PIP5K1A: variants seen among roughly 807,000 people sequenced by gnomAD.
PIP5K1A encodes the protein phosphatidylinositol 4-phosphate 5-kinase type-1 alpha.
In PIP5K1A, 46 loss-of-function variants were observed where a neutral mutation model predicts 72.9. The ratio of observed to expected loss-of-function variants is 0.63; its 90% CI spans 0.50 to 0.81. The LOEUF (loss-of-function observed/expected upper bound fraction) is 0.81. PIP5K1A is among the 30% of genes least tolerant of loss of function. The probability of loss-of-function intolerance (pLI) is 0.00; values close to 1 mark genes in which losing one functional copy is unlikely to be tolerated. For synonymous variants in PIP5K1A, 228 were observed against 255.1 expected (o/e 0.89, Z 1.01); for missense variants, 458 against 706.1 (o/e 0.65, Z 3.98).
At chr1:151,221,948 A>G (rs1688454716) in intron 1 of PIP5K1A, among the ~76,000 whole-genome samples, 1 of 151,994 alleles carries the variant, frequency 6.6e-6, no homozygotes, top group South Asian at 2.1e-4. Flanking sequence ...TCAGCTGGGC[A>G]TGGTGGTACA....
At chr1:151,212,059 C>G (rs1454420787) in intron 1 of PIP5K1A, among the ~76,000 whole-genome samples, 1 of 152,004 alleles carries the variant, frequency 6.6e-6, no homozygotes, top group Non-Finnish European at 1.5e-5. Flanking sequence ...TTGCAGTGAG[C>G]CAAGATCACG....
At chr1:151,196,023 T>C (rs587663628), upstream of PIP5K1A, among the ~76,000 whole-genome samples, 5 of 150,712 alleles carry the variant, frequency 3.3e-5, no homozygotes, top group South Asian at 1.1e-3. Flanking sequence ...GCCTCCCGAG[T>C]AGCTGGGGCT....
At chr1:151,234,843 C>T (rs915047755) in intron 8 of PIP5K1A, among the ~76,000 whole-genome samples, 3 of 152,182 alleles carry the variant, frequency 2.0e-5, no homozygotes, top group African/African-American at 2.4e-5. Flanking sequence ...ATTACACAAC[C>T]GTGTATACTG....
At chr1:151,203,822 CAA>C (rs587774732) in intron 1 of PIP5K1A, among the ~76,000 whole-genome samples, 17 of 83,514 alleles carry the variant, frequency 2.0e-4, no homozygotes, top group African/African-American at 9.2e-5. Flanking sequence ...GACTCTGTCT[CAA>C]AAAAAAAAAA....
At chr1:151,201,874 AG>A (rs1347151640) in intron 1 of PIP5K1A, among the ~76,000 whole-genome samples, 2 of 152,058 alleles carry the variant, frequency 1.3e-5, no homozygotes, top group Non-Finnish European at 2.9e-5. Context: ...AACAAAAAAA[AG>A]GGGGCAAAAA....
upstream of PIP5K1A, among the ~76,000 whole-genome samples, chr1:151,195,810 C>T (rs12094954): frequency 7.6e-3 from 1,105 of 146,352 alleles, 13 homozygotes; most frequent in African/African-American, 0.026. Flanking sequence ...TGTTTGACTG[C>T]GTTGGTCATT....
intron 1 of PIP5K1A, among the ~76,000 whole-genome samples, chr1:151,212,731 C>T (rs1558247631): frequency 6.6e-6 from 1 of 151,882 alleles, no homozygotes; most frequent in Non-Finnish European, 1.5e-5. Flanking sequence ...CACGCCACCA[C>T]GCCTAGCCAA....
chr1:151,197,966 A>G (rs1684706624), upstream of PIP5K1A: 1 of 450,900 alleles, frequency 2.2e-6, no homozygotes, highest in Non-Finnish European at 4.6e-6. Flanking sequence ...GAAGGTTGTG[A>G]TAAGTCCCTG....
intron 5 of PIP5K1A, 137 bp downstream of exon 5, chr1:151,231,938 G>A: frequency 1.3e-6 from 1 of 796,376 alleles, no homozygotes; most frequent in Non-Finnish European, 2.1e-6. Flanking sequence ...GGGCGATGTG[G>A]GACTAGAGAG....
At chr1:151,226,741 T>G (rs965211559) in intron 3 of PIP5K1A, among the ~76,000 whole-genome samples, 1 of 143,920 alleles carries the variant, frequency 6.9e-6, no homozygotes, top group African/African-American at 2.6e-5. Context: ...TACTCTTATT[T>G]TCTGGCCGGG....
chr1:151,213,043 A>C (rs1687068937), intron 1 of PIP5K1A, among the ~76,000 whole-genome samples: 2 of 151,468 alleles, frequency 1.3e-5, no homozygotes, highest in East Asian at 1.9e-4. Context: ...GGCGCCCGCC[A>C]CCACGCCCGG....
chr1:151,242,467 C>A lies in PIP5K1A; in HGVS notation c.1540C>A (p.Pro514Thr), dbSNP rs770912018. ...TCACCTTGGTCGTCCTGATGTTTTACCTCAGACTCCACCTTTGGAGGAAAT... is the reference window on the plus strand; with the variant it reads ...TCACCTTGGTCGTCCTGATGTTTTAACTCAGACTCCACCTTTGGAGGAAAT... ...GVHLGRPDVL[P>T]QTPPLEEISE... The change falls in exon 14 of 16, where the codon CCT becomes ACT. Residue 514 changes from proline to threonine, a missense_variant. Around this residue, in one of 3 missense-constraint regions of PIP5K1A, gnomAD observed 157 missense variants for 175.5 expected, o/e 0.89. Coordinates refer to ENST00000368888, the MANE Select transcript of PIP5K1A (RefSeq NM_001135638.2). The A allele has an allele frequency of 1.2e-6, 2 of 1,614,044 alleles. No homozygotes were observed. The highest frequency in any genetic ancestry group is 2.2e-5 in the South Asian group (2 of 91,078).
Position 151,242,063 on chromosome 1 carries a change from A to AT in PIP5K1A, c.1364-59dup, listed in dbSNP as rs1691812892. On this transcript the variant is annotated intron_variant, in intron 12 of 15. Transcript: ENST00000368888. ...GGGATACTAGCAATTATTTGTATCT[A>AT]TGTCTTGGTAATAGTTGCTAAGGTA... is the stretch of plus-strand genomic sequence containing the variant. 4 of 1,551,718 alleles carry AT rather than the reference A, an allele frequency of 2.6e-6. No individual in the cohort carries two copies. The East Asian group carries it at 9.0e-5, about 35-fold the overall frequency.
chr1:151,208,895 G>C (rs899126139), intron 1 of PIP5K1A, among the ~76,000 whole-genome samples: 2 of 151,336 alleles, frequency 1.3e-5, no homozygotes, highest in South Asian at 4.2e-4. Flanking sequence ...ACCACGCCCG[G>C]CTAACTTTTT....
intron 10 of PIP5K1A, 34 bp downstream of exon 10, chr1:151,238,299 G>T: frequency 7.4e-7 from 1 of 1,353,824 alleles, no homozygotes; most frequent in Non-Finnish European, 1.1e-6. Flanking sequence ...TTAAGAGAGG[G>T]TGGATACAGA....
In PIP5K1A at chr1:151,224,191, A is replaced by T. The variant is rs1688785265; in HGVS notation, c.86-54A>T. On this transcript the variant is annotated intron_variant, in intron 1 of 15. Coordinates refer to ENST00000368888, the MANE Select transcript of PIP5K1A (RefSeq NM_001135638.2). ...AACTCTGATGGTTTCAGTATGCTTGACAGAGATGTGAGTGTGTGATACACT... is the reference window on the plus strand; with the variant it reads ...AACTCTGATGGTTTCAGTATGCTTGTCAGAGATGTGAGTGTGTGATACACT... The T allele has an allele frequency of 3.3e-6, 5 of 1,498,664 alleles. No homozygotes were observed. In the East Asian group the frequency reaches 6.8e-5, roughly 20 times the overall value. 92.8% of individuals were successfully genotyped at this position (1,498,664 alleles called of 1,614,324 possible). A position where few individuals can be genotyped will look rare whatever the true frequency, so the allele number is the denominator to read the frequency against.
chr1:151,242,644 C>T (rs1343592150), intron 14 of PIP5K1A, 77 bp downstream of exon 14: 2 of 1,238,066 alleles, frequency 1.6e-6, no homozygotes, highest in East Asian at 2.3e-5. Context: ...AATTTGATTG[C>T]ATCATAATAA....
At chr1:151,238,011 T>C (rs1483590528) in intron 9 of PIP5K1A, among the ~76,000 whole-genome samples, 171 bp from the exon 10 acceptor site, 1 of 152,138 alleles carries the variant, frequency 6.6e-6, no homozygotes, top group East Asian at 1.9e-4. Flanking sequence ...GATCTCATTT[T>C]CTCCTGTTTT....
intron 1 of PIP5K1A, among the ~76,000 whole-genome samples, chr1:151,223,246 G>C (rs1005792970): frequency 6.6e-6 from 1 of 151,914 alleles, no homozygotes. Flanking sequence ...AGCTACTCGG[G>C]AGGTTGAGGC....
Sources: gnomAD v4.1 joint callset for allele counts (sites outside exome capture counted in the v4.1 genomes callset) on GRCh38, gnomAD v4.1.1 for gene constraint, gnomAD v4.1.1 regional missense constraint, MANE v1.5 for transcripts, NCBI Gene and HGNC (gene_info 2026-07-23, HGNC 2026-07-21) for gene names.